Variants in LAMA2 observed in about 807,000 individuals in gnomAD.
LAMA2 encodes laminin subunit alpha-2.
A neutral mutation model predicts 364.8 loss-of-function variants in LAMA2; 269 were observed. That is an observed-to-expected ratio of 0.74 (90% CI 0.67 to 0.82). The LOEUF (loss-of-function observed/expected upper bound fraction) is 0.82, where lower values mean the gene tolerates loss of function less well. Ranked by LOEUF, LAMA2 falls within the 40% of genes least tolerant of loss-of-function variation. The pLI, the probability that LAMA2 is intolerant of heterozygous loss-of-function variation, is 0.00. For missense variants in LAMA2, 3,807 were observed against 3,873.2 expected (o/e 0.98, Z 0.45); for synonymous variants, 1,379 against 1,370.6 (o/e 1.01, Z -0.14).
intron 38 of LAMA2, among the ~76,000 whole-genome samples, chr6:129,402,117 G>A (rs1421326871): frequency 6.7e-6 from 1 of 150,366 alleles, no homozygotes; most frequent in East Asian, 2.0e-4. Flanking sequence ...GCTGAGGCAG[G>A]AGAATTGCTT....
intron 12 of LAMA2, among the ~76,000 whole-genome samples, chr6:129,203,075 T>C (rs901218511): frequency 2.0e-5 from 3 of 152,250 alleles, no homozygotes; most frequent in Admixed American, 1.3e-4. Context: ...AAATACTTCC[T>C]GTATAAAATT....
chr6:129,469,498 G>C (rs1783703818), intron 51 of LAMA2, among the ~76,000 whole-genome samples: 1 of 151,852 alleles, frequency 6.6e-6, no homozygotes, highest in Non-Finnish European at 1.5e-5. Context: ...CTGCTGCTGA[G>C]GATATAAAGT....
chr6:129,457,132 G>T (rs988562798), intron 48 of LAMA2, among the ~76,000 whole-genome samples: 1 of 151,992 alleles, frequency 6.6e-6, no homozygotes, highest in Non-Finnish European at 1.5e-5. Flanking sequence ...GATAATCCTG[G>T]GCTTGTCAGA....
intron 1 of LAMA2, among the ~76,000 whole-genome samples, chr6:128,994,097 G>C (rs1293991531): frequency 6.6e-6 from 1 of 152,182 alleles, no homozygotes; most frequent in Non-Finnish European, 1.5e-5. Flanking sequence ...GATGGCTGAA[G>C]CTGCTGAAAA....
At chr6:129,166,146 A>G (rs1779730744) in intron 9 of LAMA2, among the ~76,000 whole-genome samples, 2 of 152,298 alleles carry the variant, frequency 1.3e-5, no homozygotes, top group Non-Finnish European at 2.9e-5. Flanking sequence ...AGTGTTCATA[A>G]AGGACTAAGA....
At chr6:129,125,686 G>A (rs994274791) in intron 4 of LAMA2, among the ~76,000 whole-genome samples, 14 of 152,214 alleles carry the variant, frequency 9.2e-5, no homozygotes, top group South Asian at 2.1e-4. Flanking sequence ...AATAAACAGC[G>A]TCAGGGCAAG....
chr6:129,222,745 A>G (rs891305562), intron 12 of LAMA2, among the ~76,000 whole-genome samples: 1 of 152,006 alleles, frequency 6.6e-6, no homozygotes, highest in Non-Finnish European at 1.5e-5. Flanking sequence ...TCTATCATTG[A>G]TGGACATTTG....
chr6:129,192,304 G>A (rs1280530774), intron 11 of LAMA2, among the ~76,000 whole-genome samples: 1 of 152,136 alleles, frequency 6.6e-6, no homozygotes, highest in Admixed American at 6.6e-5. Flanking sequence ...TAAAAAATAC[G>A]GAACTGAAAG....
intron 1 of LAMA2, among the ~76,000 whole-genome samples, chr6:129,023,481 A>G (rs1785587086): frequency 6.6e-6 from 1 of 152,078 alleles, no homozygotes. Flanking sequence ...GTGTATTTTG[A>G]AAAGTCTAAC....
chr6:129,007,961 A>G (rs2114688927), intron 1 of LAMA2, among the ~76,000 whole-genome samples: 1 of 152,300 alleles, frequency 6.6e-6, no homozygotes, highest in East Asian at 1.9e-4. Flanking sequence ...AGCGACACTG[A>G]CACAAATTGT....
chr6:128,904,457 T>C (rs1011843513), intron 1 of LAMA2, among the ~76,000 whole-genome samples: 17 of 148,570 alleles, frequency 1.1e-4, no homozygotes, highest in Non-Finnish European at 1.8e-4. Context: ...CCTTTCTTTT[T>C]TTTTTTTTTT....
Position 129,252,247 on chromosome 6 carries a change from G to C in LAMA2, c.2048G>C (p.Arg683Thr). 3 of 1,614,050 alleles carry C rather than the reference G, an allele frequency of 1.9e-6. No homozygotes were observed. Among genetic ancestry groups the C allele is most frequent in the Non-Finnish European group, 2.5e-6 (3 of 1,179,954 alleles). Residue 683 changes from arginine (R) to threonine (T), a missense_variant, in exon 14 of 65, where the codon AGA becomes ACA. Arg to Thr is a moderately conservative substitution (Grantham distance 71). Coordinates refer to ENST00000421865, the MANE Select transcript of LAMA2 (RefSeq NM_000426.4). ...EFMTVLANLKRVLLQITYSFG... is the reference protein window; with the variant it reads ...EFMTVLANLKTVLLQITYSFG... The stretch of plus-strand genomic sequence containing the variant: ...ATGACAGTGCTTGCGAATTTGAAGA[G>C]AGTCCTCCTACAAATCACATACAGC...
intron 23 of LAMA2, among the ~76,000 whole-genome samples, 191 bp downstream of exon 23, chr6:129,313,288 T>C (rs1187209345): frequency 6.6e-6 from 1 of 152,208 alleles, no homozygotes; most frequent in Non-Finnish European, 1.5e-5. Context: ...ACTGCTTTTC[T>C]AGAGCTTATT....
chr6:128,892,004 G>A (rs970394519), intron 1 of LAMA2, among the ~76,000 whole-genome samples: 9 of 151,916 alleles, frequency 5.9e-5, no homozygotes, highest in South Asian at 2.1e-4. Context: ...TTTTCTATTC[G>A]TAAGATAGGT....
intron 8 of LAMA2, chr6:129,159,237 A>T (rs1779312632): frequency 2.3e-6 from 2 of 884,694 alleles, no homozygotes; most frequent in African/African-American, 3.3e-5. Flanking sequence ...CAAGCACTTG[A>T]CAATGACTTC....
chr6:129,349,567 T>C (rs1776744385), intron 31 of LAMA2, among the ~76,000 whole-genome samples, 183 bp downstream of exon 31: 1 of 152,086 alleles, frequency 6.6e-6, no homozygotes, highest in Non-Finnish European at 1.5e-5. Flanking sequence ...AGTTGTTTAT[T>C]TCCACCGTAT....
intron 27 of LAMA2, among the ~76,000 whole-genome samples, chr6:129,320,026 A>G (rs1031696503): frequency 3.3e-5 from 5 of 152,024 alleles, no homozygotes; most frequent in Non-Finnish European, 7.4e-5. Context: ...CCAGCTACTC[A>G]GGAGGCTGAG....
At chr6:129,443,012 C>T in intron 43 of LAMA2, 51 bp from the exon 44 acceptor site, 10 of 1,421,592 alleles carry the variant, frequency 7.0e-6, no homozygotes, top group South Asian at 2.4e-5. Context: ...AATACTTCCT[C>T]ATGAATTTAT....
intron 3 of LAMA2, among the ~76,000 whole-genome samples, chr6:129,092,087 C>T (rs2114861051): frequency 6.6e-6 from 1 of 152,290 alleles, no homozygotes; most frequent in South Asian, 2.1e-4. Context: ...TTCATCAGAC[C>T]TACCTCGGTG....
Sources: gnomAD v4.1 joint callset for allele counts (sites outside exome capture counted in the v4.1 genomes callset) on GRCh38, gnomAD v4.1.1 for gene constraint, MANE v1.5 for transcripts, NCBI Gene and HGNC (gene_info 2026-07-23, HGNC 2026-07-21) for gene names.